The following LEPR variants were observed in gnomAD, a reference collection of about 807,000 sequenced individuals.
LEPR encodes OB receptor.
LEPR carries 56 observed loss-of-function variants against 114.7 expected under a neutral mutation model. The observed-to-expected ratio is 0.49, with a 90% confidence interval of 0.39 to 0.61. LEPR has a LOEUF of 0.61. Among genes scored for constraint, LEPR ranks in the 20% least tolerant of loss-of-function variants. LEPR has a pLI of 0.00. For missense variants in LEPR, 1,202 were observed against 1,352.9 expected (o/e 0.89, Z 1.75); for synonymous variants, 443 against 461.4 (o/e 0.96, Z 0.51).
rs112214672 is a variant in LEPR, at chr1:65,479,941, C to A, written c.-21+54563C>A. On this transcript the variant is annotated intron_variant, in intron 2 of 19. Transcript: ENST00000349533. ...GACAAAAAACAAACAAACAAACAAA[C>A]AAAAAAACAACTCTGTCAGGTGGAA... 2.1e-3 allele frequency among the ~76,000 whole-genome samples: 315 copies of A among 151,796 alleles called. 1 individual carries two copies. The highest frequency in any genetic ancestry group is 7.4e-3 in the African/African-American group (308 of 41,416).
intron 2 of LEPR, among the ~76,000 whole-genome samples, chr1:65,456,162 A>G (rs1646872506): frequency 6.6e-6 from 1 of 151,992 alleles, no homozygotes; most frequent in Admixed American, 6.5e-5. Context: ...GCGCGCACCC[A>G]TTGACCTGCG....
In LEPR at chr1:65,573,308, G is replaced by A. The variant is rs1266491703; in HGVS notation, c.494+859G>A. Among the ~76,000 whole-genome samples, 3 of 152,184 alleles carry A rather than the reference G, an allele frequency of 2.0e-5. No homozygotes were observed. In the East Asian group the frequency reaches 5.8e-4, roughly 29 times the overall value. On this transcript the variant is annotated intron_variant, in intron 5 of 19. Coordinates refer to ENST00000349533, the MANE Select transcript of LEPR (RefSeq NM_002303.6). Reference sequence around the variant, plus strand: ...CATCCATGTACCTTACAAAGATATTGCAGGTATAGGTGGGCATGTAGTCTG... The same window carrying A: ...CATCCATGTACCTTACAAAGATATTACAGGTATAGGTGGGCATGTAGTCTG...
chr1:65,495,407 G>A (rs928116418), intron 2 of LEPR, among the ~76,000 whole-genome samples: 1 of 152,158 alleles, frequency 6.6e-6, no homozygotes, highest in Non-Finnish European at 1.5e-5. Flanking sequence ...ACAAGGTTTG[G>A]TAACTATGTG....
chr1:65,542,913 G>C (rs573144105), intron 2 of LEPR, among the ~76,000 whole-genome samples: 19 of 151,988 alleles, frequency 1.3e-4, no homozygotes, highest in Non-Finnish European at 2.2e-4. Flanking sequence ...GAATAGTGCT[G>C]CAATAAACAT....
chr1:65,519,109 C>CTCCTTCCT (rs202044069), intron 2 of LEPR, among the ~76,000 whole-genome samples: 12,991 of 109,514 alleles, frequency 0.12, 927 homozygotes, highest in Middle Eastern at 0.15. Flanking sequence ...GTGTCTCTCT[C>CTCCTTCCT]TCCTTCCTTC....
chr1:65,461,218 G>T (rs772959745), intron 2 of LEPR, among the ~76,000 whole-genome samples: 15 of 151,728 alleles, frequency 9.9e-5, no homozygotes, highest in Admixed American at 2.0e-4. Context: ...CAAGATATCC[G>T]CCTGCCTCGG....
chr1:65,429,130 G>A (rs77848204), intron 2 of LEPR, among the ~76,000 whole-genome samples: 13,104 of 152,226 alleles, frequency 0.086, 758 homozygotes, highest in African/African-American at 0.16. Context: ...AGGGTGGTAT[G>A]TTCGAGGGTG....
intron 11 of LEPR, among the ~76,000 whole-genome samples, chr1:65,608,534 T>C (rs1320454627): frequency 6.6e-6 from 1 of 152,206 alleles, no homozygotes; most frequent in Non-Finnish European, 1.5e-5. Context: ...GAATAATGTA[T>C]TGACTTTTTT....
chr1:65,469,460 A>G (rs17127652), intron 2 of LEPR, among the ~76,000 whole-genome samples: 3,496 of 152,338 alleles, frequency 0.023, 79 homozygotes, highest in South Asian at 0.09. Context: ...GGAGCCAGAT[A>G]AGGATGGGCC....
intron 5 of LEPR, among the ~76,000 whole-genome samples, chr1:65,590,094 C>T (rs1419111478): frequency 1.3e-5 from 2 of 151,644 alleles, no homozygotes; most frequent in South Asian, 2.1e-4. Flanking sequence ...TAATAATTTC[C>T]GTCAACAGCA....
chr1:65,551,979 G>A (rs2100723298), intron 2 of LEPR, among the ~76,000 whole-genome samples: 1 of 152,276 alleles, frequency 6.6e-6, no homozygotes, highest in African/African-American at 2.4e-5. Context: ...TAGTCATTCA[G>A]GAGCAGGTTG....
At chr1:65,583,304 T>A (rs549282095) in intron 5 of LEPR, among the ~76,000 whole-genome samples, 2 of 152,300 alleles carry the variant, frequency 1.3e-5, no homozygotes, top group East Asian at 3.9e-4. Flanking sequence ...GTGGGGCCAC[T>A]TTAACTCTTT....
At chr1:65,555,029 C>A (rs1652715273) in intron 2 of LEPR, among the ~76,000 whole-genome samples, 1 of 152,130 alleles carries the variant, frequency 6.6e-6, no homozygotes, top group Admixed American at 6.5e-5. Context: ...AGCTCACCCT[C>A]CGTGGGCGGC....
chr1:65,545,335 C>T (rs573587388), intron 2 of LEPR, among the ~76,000 whole-genome samples: 44 of 152,194 alleles, frequency 2.9e-4, no homozygotes, highest in African/African-American at 8.4e-4. Flanking sequence ...AATGGGATGG[C>T]GGGGTCAAAT....
At position 65,636,215 on chromosome 1, in the gene LEPR, A is replaced by G. The variant is rs142647085; in HGVS notation, c.2698A>G (p.Ile900Val). 5.5e-4 allele frequency: 885 copies of G among 1,613,902 alleles called. 5 individuals carry two copies. The highest frequency in any genetic ancestry group is 5.1e-3 in the South Asian group (464 of 91,056). ...GCCAGAAACGTTTGAGCATCTTTTT[A>G]TCAAGCATACAGCATCAGTGACATG... ...QKPETFEHLF[I>V]KHTASVTCGP... Residue 900 changes from isoleucine to valine, a missense_variant, in exon 20 of 20, where the codon ATC (isoleucine) becomes GTC (valine). Physicochemically the swap from Ile to Val is conservative, Grantham distance 29. Coordinates refer to ENST00000349533, the MANE Select transcript of LEPR (RefSeq NM_002303.6).
intron 2 of LEPR, among the ~76,000 whole-genome samples, chr1:65,453,093 G>T (rs1336746136): frequency 6.6e-6 from 1 of 152,118 alleles, no homozygotes; most frequent in Non-Finnish European, 1.5e-5. Flanking sequence ...TTCTCTGATG[G>T]TAGTTTGTAT....
chr1:65,502,806 A>G (rs2100528522), intron 2 of LEPR, among the ~76,000 whole-genome samples: 1 of 151,906 alleles, frequency 6.6e-6, no homozygotes, highest in Middle Eastern at 3.4e-3. Context: ...CATGTTCAAG[A>G]GACAACATCA....
intron 2 of LEPR, among the ~76,000 whole-genome samples, chr1:65,554,910 A>C (rs759383872): frequency 1.8e-4 from 27 of 152,298 alleles, no homozygotes; most frequent in South Asian, 6.2e-4. Context: ...TATCTGGGCC[A>C]GAGTGCACTG....
rs115722223 is a variant in LEPR, at chr1:65,605,810, C to T, written c.1603+573C>T. 2.9e-3 allele frequency among the ~76,000 whole-genome samples: 434 copies of T among 152,158 alleles called. 3 individuals carry two copies. The highest frequency in any genetic ancestry group is 2.9e-3 in the Non-Finnish European group (195 of 67,984). ...CTTGGAAAATGTGATATATTCTTTCCGGTTCATTGTGAAATCTCTGAGAAA... is the reference window on the plus strand; with the variant it reads ...CTTGGAAAATGTGATATATTCTTTCTGGTTCATTGTGAAATCTCTGAGAAA... On this transcript the variant is annotated intron_variant, in intron 11 of 19. Transcript: ENST00000349533.
Sources: allele counts gnomAD v4.1 joint callset (sites outside exome capture counted in the v4.1 genomes callset), GRCh38; gene constraint gnomAD v4.1.1; transcripts MANE v1.5; gene names NCBI Gene and HGNC (gene_info 2026-07-23, HGNC 2026-07-21).